PDZD2: variants seen among roughly 807,000 people sequenced by gnomAD.
PDZD2 encodes the protein PDZ domain-containing protein 2.
In PDZD2, 90 loss-of-function variants were observed where a neutral mutation model predicts 220.7. The ratio of observed to expected loss-of-function variants is 0.41; its 90% CI spans 0.34 to 0.49. PDZD2 has a LOEUF of 0.49. PDZD2 is among the 20% of genes least tolerant of loss of function. The probability of loss-of-function intolerance (pLI) is 0.28; values close to 1 mark genes in which losing one functional copy is unlikely to be tolerated. For synonymous variants in PDZD2, 1,375 were observed against 1,450.5 expected (o/e 0.95, Z 1.18); for missense variants, 3,174 against 3,608.5 (o/e 0.88, Z 3.08).
intron 2 of PDZD2, among the ~76,000 whole-genome samples, chr5:31,941,157 A>T (rs1454631550): frequency 6.6e-6 from 1 of 152,328 alleles, no homozygotes; most frequent in Non-Finnish European, 1.5e-5. Context: ...TGCCTTTTGC[A>T]CCAACATTTC....
intron 1 of PDZD2, among the ~76,000 whole-genome samples, chr5:31,660,517 A>G (rs551949737): frequency 6.2e-4 from 95 of 152,268 alleles, no homozygotes; most frequent in South Asian, 2.5e-3. Context: ...GGAAGCAAAC[A>G]TGTCCTTCTT....
chr5:31,969,806 G>A (rs1226893972), intron 2 of PDZD2, among the ~76,000 whole-genome samples: 1 of 151,730 alleles, frequency 6.6e-6, no homozygotes, highest in African/African-American at 2.4e-5. Flanking sequence ...CTCTTTTTTT[G>A]TTTTTAATGG....
At chr5:31,844,056 C>A (rs1247971238) in intron 2 of PDZD2, 2 of 152,098 alleles carry the variant, frequency 1.3e-5, no homozygotes, top group African/African-American at 4.8e-5. Flanking sequence ...TAGGAAGGGG[C>A]ATCTGATCCT....
chr5:31,899,784 T>G (rs1381831267), intron 2 of PDZD2, among the ~76,000 whole-genome samples: 1 of 152,144 alleles, frequency 6.6e-6, no homozygotes, highest in African/African-American at 2.4e-5. Flanking sequence ...GATTAGTGCC[T>G]TCATAAAAGA....
At position 31,799,549 on chromosome 5, in the gene PDZD2, A is replaced by AG. The variant is rs750970663; in HGVS notation, c.308dup (p.Lys104GlnfsTer38). ...TTTCGGGGACTATGGTGAAAAGCGC[A>AG]GGGGGGGCAAGAAGAGGAAAACCCA... On this transcript the variant is annotated frameshift_variant, in exon 2 of 25. Coordinates refer to ENST00000438447, the MANE Select transcript of PDZD2 (RefSeq NM_178140.4). LOFTEE classifies it high-confidence loss of function. 4.3e-6 allele frequency: 7 copies of AG among 1,613,940 alleles called. No homozygotes were observed. The highest frequency in any genetic ancestry group is 2.2e-5 in the East Asian group (1 of 44,872).
At chr5:31,698,242 G>C (rs570595259) in intron 1 of PDZD2, among the ~76,000 whole-genome samples, 10 of 150,618 alleles carry the variant, frequency 6.6e-5, no homozygotes, top group African/African-American at 2.2e-4. Flanking sequence ...CCCAGCAGGA[G>C]CTGCCTGAGT....
At chr5:32,003,210 TCACACACC>T (rs1371684585) in intron 5 of PDZD2, among the ~76,000 whole-genome samples, 1 of 34,690 alleles carries the variant, frequency 2.9e-5, no homozygotes, top group African/African-American at 1.4e-4. Context: ...ACCACACACA[TCACACACC>T]CACACACCAA....
At chr5:31,780,514 C>G (rs1007198886) in intron 1 of PDZD2, among the ~76,000 whole-genome samples, 1 of 152,118 alleles carries the variant, frequency 6.6e-6, no homozygotes, top group Non-Finnish European at 1.5e-5. Context: ...AAAGCGAAAG[C>G]CAGTGTCTAT....
intron 2 of PDZD2, among the ~76,000 whole-genome samples, chr5:31,968,710 T>A (rs1001922632): frequency 3.3e-5 from 5 of 152,056 alleles, no homozygotes; most frequent in African/African-American, 1.2e-4. Flanking sequence ...GCTCCTTTAC[T>A]TCATCCACCA....
At chr5:31,763,949 G>A (rs1033878556) in intron 1 of PDZD2, among the ~76,000 whole-genome samples, 1 of 151,636 alleles carries the variant, frequency 6.6e-6, no homozygotes, top group Non-Finnish European at 1.5e-5. Context: ...TTGACTGAAG[G>A]CACCAAAATA....
intron 2 of PDZD2, among the ~76,000 whole-genome samples, chr5:31,909,970 C>A (rs1466421264): frequency 6.6e-6 from 1 of 152,198 alleles, no homozygotes; most frequent in Admixed American, 6.5e-5. Flanking sequence ...TTCATCCCTT[C>A]ATCCTATAAT....
chr5:32,074,462 G>A lies in PDZD2; in HGVS notation c.3356G>A (p.Arg1119Lys), dbSNP rs1561514224. The A allele has an allele frequency of 1.9e-6, 3 of 1,614,110 alleles. No homozygotes were observed. The highest frequency in any genetic ancestry group is 1.7e-6 in the Non-Finnish European group (2 of 1,179,934). ...AGTGAAGGCCTGGGCTCCAGGCACA[G>A]ACCAGTGGCCAGGGTAAGCCCCCAC... ...QKSEGLGSRH[R>K]PVARVSPHCK... Residue 1119 changes from arginine (R) to lysine (K), a missense_variant, in exon 18 of 25, where the codon AGA becomes AAA. Physicochemically the swap from Arg to Lys is conservative, Grantham distance 26. This residue lies in a region of PDZD2 where 1,861 missense variants were observed against 2,001.0 expected (regional missense o/e 0.93). Coordinates refer to ENST00000438447, the MANE Select transcript of PDZD2 (RefSeq NM_178140.4).
chr5:32,025,690 C>T (rs1754603182), intron 6 of PDZD2, among the ~76,000 whole-genome samples: 1 of 143,134 alleles, frequency 7.0e-6, no homozygotes, highest in African/African-American at 2.6e-5. Context: ...CAACCTCCAC[C>T]TCCCGTTTCA....
rs555972715 is a variant in PDZD2, at chr5:32,098,041, G to A, written c.7948-323G>A. ...GGTCGAGGCGGGTGGATCACCTGAGGTCAGGAGTTTGAGACCAGCATGGCC... is the reference window on the plus strand; with the variant it reads ...GGTCGAGGCGGGTGGATCACCTGAGATCAGGAGTTTGAGACCAGCATGGCC... On this transcript the variant is annotated intron_variant, in intron 22 of 24. Transcript: ENST00000438447. The surrounding 1 kb of genome is among the most constrained non-coding windows in gnomAD (Gnocchi z 4.1). Among the ~76,000 whole-genome samples, 3 of 152,164 alleles carry A rather than the reference G, an allele frequency of 2.0e-5. No individual in the cohort carries two copies. The highest frequency in any genetic ancestry group is 4.4e-5 in the Non-Finnish European group (3 of 68,028).
chr5:32,096,515 C>T lies in PDZD2; in HGVS notation c.7846-764C>T, dbSNP rs561468319. 1.4e-4 allele frequency among the ~76,000 whole-genome samples: 22 copies of T among 152,274 alleles called. No homozygotes were observed. The South Asian group carries it at 2.5e-3, about 17-fold the overall frequency. ...GTATTTTTCAGTAGAGACGGGGTTT[C>T]GCCATGTTGACTAGGCTGGTCTCGA... On this transcript the variant is annotated intron_variant, in intron 21 of 24. Coordinates refer to ENST00000438447, the MANE Select transcript of PDZD2 (RefSeq NM_178140.4).
intron 13 of PDZD2, among the ~76,000 whole-genome samples, chr5:32,059,631 C>T (rs929067737): frequency 3.3e-5 from 5 of 152,166 alleles, no homozygotes; most frequent in African/African-American, 1.2e-4. Flanking sequence ...TGACAAGATA[C>T]AACTCTATAC....
intron 2 of PDZD2, among the ~76,000 whole-genome samples, chr5:31,872,534 A>C (rs1738911029): frequency 7.6e-6 from 1 of 131,404 alleles, no homozygotes; most frequent in Non-Finnish European, 1.8e-5. Flanking sequence ...GAAAACAAAC[A>C]CAATATATGT....
intron 8 of PDZD2, among the ~76,000 whole-genome samples, chr5:32,051,863 T>C (rs1215337909): frequency 6.6e-6 from 1 of 152,250 alleles, no homozygotes; most frequent in Non-Finnish European, 1.5e-5. Context: ...AAACAAGGGC[T>C]TGCTGAGTTT....
chr5:31,975,271 A>G (rs969659341), intron 2 of PDZD2, among the ~76,000 whole-genome samples: 3 of 152,202 alleles, frequency 2.0e-5, no homozygotes, highest in Admixed American at 6.5e-5. Flanking sequence ...AATGAGGAGC[A>G]AAGTCACATC....
Sources: gnomAD v4.1 joint callset for allele counts (sites outside exome capture counted in the v4.1 genomes callset) on GRCh38, gnomAD v4.1.1 for gene constraint, gnomAD v4.1.1 regional missense constraint, Gnocchi (gnomAD v3.1) non-coding constraint, MANE v1.5 for transcripts, NCBI Gene and HGNC (gene_info 2026-07-23, HGNC 2026-07-21) for gene names.